RBFOX1: variants seen among roughly 807,000 people sequenced by gnomAD.
RBFOX1 encodes RNA binding fox-1 homolog 1.
RBFOX1 carries 8 observed loss-of-function variants against 57.7 expected under a neutral mutation model. The ratio of observed to expected loss-of-function variants is 0.14; its 90% confidence interval spans 0.08 to 0.25. The LOEUF is 0.25. Ranked by LOEUF, RBFOX1 falls within the 10% of genes least tolerant of loss-of-function variation. The pLI, the probability that RBFOX1 is intolerant of heterozygous loss-of-function variation, is 1.00. For synonymous variants in RBFOX1, 326 were observed against 222.4 expected (o/e 1.47, Z -4.15); for missense variants, 611 against 548.5 (o/e 1.11, Z -1.14).
At chr16:7,362,862 C>G (rs1224455031) in intron 4 of RBFOX1, among the ~76,000 whole-genome samples, 1 of 152,104 alleles carries the variant, frequency 6.6e-6, no homozygotes, top group African/African-American at 2.4e-5. Context: ...TTATAATGTA[C>G]CAGTTAAGAG....
chr16:5,444,940 C>T (rs2068197057), intron 1 of RBFOX1, among the ~76,000 whole-genome samples: 1 of 152,144 alleles, frequency 6.6e-6, no homozygotes, highest in African/African-American at 2.4e-5. Flanking sequence ...AGGTCACAGG[C>T]CAGAAAGCTA....
intron 1 of RBFOX1, among the ~76,000 whole-genome samples, chr16:5,296,832 C>T (rs2063681803): frequency 6.6e-6 from 1 of 151,998 alleles, no homozygotes; most frequent in Non-Finnish European, 1.5e-5. Context: ...GCACGCACCA[C>T]CACGCCCAGC....
chr16:6,146,287 A>T lies in RBFOX1; in HGVS notation c.-127+126295A>T, dbSNP rs140161642. 6.6e-5 allele frequency among the ~76,000 whole-genome samples: 10 copies of T among 152,276 alleles called. No homozygotes were observed. In the Middle Eastern group the frequency reaches 0.01, roughly 155 times the overall value. The stretch of plus-strand genomic sequence containing the variant: ...GAATCCACGCTTCTTTTTAAAATAC[A>T]CTGAAGAAAATATTATTTGAGTCTT... On this transcript the variant is annotated intron_variant, in intron 1 of 15. Coordinates refer to ENST00000550418, the MANE Select transcript of RBFOX1 (RefSeq NM_018723.4).
chr16:5,678,940 G>C (rs1467164893), intron 3 of RBFOX1, among the ~76,000 whole-genome samples: 1 of 152,216 alleles, frequency 6.6e-6, no homozygotes, highest in African/African-American at 2.4e-5. Context: ...GTAATGCGGA[G>C]GATGTAGGTA....
intron 3 of RBFOX1, among the ~76,000 whole-genome samples, chr16:7,029,871 T>C (rs1223726972): frequency 6.6e-6 from 1 of 152,172 alleles, no homozygotes; most frequent in Non-Finnish European, 1.5e-5. Context: ...CTTATGTCCA[T>C]TCATTGGGAA....
chr16:5,944,885 G>A (rs2059365446), intron 4 of RBFOX1, among the ~76,000 whole-genome samples: 1 of 138,380 alleles, frequency 7.2e-6, no homozygotes, highest in Admixed American at 7.8e-5. Flanking sequence ...AGAATCACTT[G>A]AACCCAGGAG....
intron 4 of RBFOX1, among the ~76,000 whole-genome samples, chr16:7,458,696 T>C (rs1567275354): frequency 6.6e-6 from 1 of 152,138 alleles, no homozygotes; most frequent in Non-Finnish European, 1.5e-5. Context: ...AGTTCTTACC[T>C]AGTTCACTCC....
chr16:5,825,439 C>T (rs369400280), intron 3 of RBFOX1, among the ~76,000 whole-genome samples: 36 of 152,184 alleles, frequency 2.4e-4, no homozygotes, highest in African/African-American at 7.2e-4. Flanking sequence ...CTATAAGGTT[C>T]GAAGGAAGTG....
At chr16:7,133,569 G>A (rs1344210740) in intron 4 of RBFOX1, among the ~76,000 whole-genome samples, 1 of 152,110 alleles carries the variant, frequency 6.6e-6, no homozygotes, top group African/African-American at 2.4e-5. Flanking sequence ...TTAATTTAAA[G>A]CTGAAAGATA....
At chr16:6,003,895 A>G (rs543681569) in intron 4 of RBFOX1, among the ~76,000 whole-genome samples, 2 of 152,326 alleles carry the variant, frequency 1.3e-5, no homozygotes, top group African/African-American at 4.8e-5. Context: ...TTGATTTATT[A>G]AGAGAGTCCA....
intron 4 of RBFOX1, among the ~76,000 whole-genome samples, chr16:5,929,930 C>T (rs1014755814): frequency 2.0e-5 from 3 of 150,880 alleles, no homozygotes; most frequent in African/African-American, 7.3e-5. Flanking sequence ...TTGTCAAGAA[C>T]AGATGTGCTT....
intron 2 of RBFOX1, among the ~76,000 whole-genome samples, chr16:5,565,262 TGTGTGTGCGTGTGTGCACGTGCGTGC>T (rs2046023404): frequency 6.6e-6 from 1 of 150,966 alleles, no homozygotes; most frequent in Non-Finnish European, 1.5e-5. Flanking sequence ...AACTGGTGTG[TGTGTGTGCGTGTGTGCACGTGCGTGC>T]GTGTGTTCAT....
chr16:7,231,707 TATC>T (rs1377609640), intron 4 of RBFOX1, among the ~76,000 whole-genome samples: 2 of 152,146 alleles, frequency 1.3e-5, no homozygotes, highest in Non-Finnish European at 2.9e-5. Context: ...TACAATGAAA[TATC>T]ATTGAGCCAT....
At chr16:5,364,112 T>A (rs913476621) in intron 1 of RBFOX1, among the ~76,000 whole-genome samples, 2 of 152,194 alleles carry the variant, frequency 1.3e-5, no homozygotes, top group African/African-American at 2.4e-5. Context: ...ATTAGGAAGG[T>A]GTCAAAGGAG....
chr16:7,158,268 A>C (rs1300354001), intron 4 of RBFOX1, among the ~76,000 whole-genome samples: 2 of 151,944 alleles, frequency 1.3e-5, no homozygotes, highest in Non-Finnish European at 2.9e-5. Flanking sequence ...ATCACTTGAA[A>C]CTGGAAGGCG....
chr16:6,851,065 G>A (rs1369550376), intron 3 of RBFOX1, among the ~76,000 whole-genome samples: 1 of 152,176 alleles, frequency 6.6e-6, no homozygotes, highest in Non-Finnish European at 1.5e-5. Flanking sequence ...ATTGATGATA[G>A]ACACACAACA....
intron 4 of RBFOX1, among the ~76,000 whole-genome samples, chr16:7,075,575 TTTTA>T (rs759062637): frequency 3.7e-4 from 57 of 152,164 alleles, no homozygotes; most frequent in Non-Finnish European, 6.3e-4. Context: ...TTTTTCTTTT[TTTTA>T]TTTATTTTTC....
At chr16:6,888,568 T>C (rs1226786473) in intron 3 of RBFOX1, among the ~76,000 whole-genome samples, 3 of 152,136 alleles carry the variant, frequency 2.0e-5, no homozygotes, top group African/African-American at 7.2e-5. Context: ...GTCCTCTGGG[T>C]AAAATATTGT....
At chr16:6,153,629 G>T (rs760314843) in intron 1 of RBFOX1, among the ~76,000 whole-genome samples, 6 of 151,962 alleles carry the variant, frequency 3.9e-5, no homozygotes, top group African/African-American at 1.2e-4. Context: ...TCTGCCTCCC[G>T]GGTTCAAGTG....
Sources: gnomAD v4.1 joint callset for allele counts (sites outside exome capture counted in the v4.1 genomes callset) on GRCh38, gnomAD v4.1.1 for gene constraint, MANE v1.5 for transcripts, NCBI Gene and HGNC (gene_info 2026-07-23, HGNC 2026-07-21) for gene names.